The following TMEM132D variants were observed in gnomAD, a reference collection of about 807,000 sequenced individuals.
The protein encoded by TMEM132D is transmembrane protein 132D, also known as mature OL transmembrane protein.
Under a neutral mutation model 62.3 loss-of-function variants are expected in TMEM132D, and 21 were observed. The ratio of observed to expected loss-of-function variants is 0.34; its 90% confidence interval spans 0.24 to 0.49. TMEM132D has a LOEUF of 0.49. TMEM132D is among the 20% of genes least tolerant of loss of function. The pLI, the probability that TMEM132D is intolerant of heterozygous loss-of-function variation, is 0.99. For synonymous variants in TMEM132D, 621 were observed against 575.6 expected (o/e 1.08, Z -1.13); for missense variants, 1,346 against 1,402.8 (o/e 0.96, Z 0.65).
rs183701610 is a variant in TMEM132D, at chr12:129,642,947, G to A, written c.968+56863C>T. Among the ~76,000 whole-genome samples, 372 of 113,970 alleles carry A rather than the reference G, an allele frequency of 3.3e-3. 1 individual carries two copies. Among genetic ancestry groups the A allele is most frequent in the South Asian group, 5.8e-3 (21 of 3,596 alleles). 74.8% of individuals were successfully genotyped at this position (113,970 alleles called of 152,430 possible). ...TTTTTTTTTTTTTTTTTTTTGAGAC[G>A]GAGTTTCACTCTTGTCACCAAGGCT... On this transcript the variant is annotated intron_variant, in intron 2 of 8. Transcript: ENST00000422113.
intron 1 of TMEM132D, among the ~76,000 whole-genome samples, chr12:129,868,670 C>T (rs760111260): frequency 1.3e-5 from 2 of 152,186 alleles, no homozygotes; most frequent in Non-Finnish European, 2.9e-5. Flanking sequence ...TGCTTCAAGT[C>T]AAACAGCAGG....
At chr12:129,343,413 C>T (rs1869569033) in intron 3 of TMEM132D, among the ~76,000 whole-genome samples, 1 of 140,898 alleles carries the variant, frequency 7.1e-6, no homozygotes, top group African/African-American at 2.7e-5. Context: ...ACATCACACA[C>T]TGGGGACTGT....
intron 3 of TMEM132D, among the ~76,000 whole-genome samples, chr12:129,515,599 CCT>C (rs1875649719): frequency 2.0e-5 from 3 of 152,154 alleles, no homozygotes; most frequent in Admixed American, 2.0e-4. Flanking sequence ...CCCATTCTCC[CCT>C]GAGCCACGGT....
At chr12:129,241,048 A>G (rs1467428726) in intron 4 of TMEM132D, among the ~76,000 whole-genome samples, 1 of 152,008 alleles carries the variant, frequency 6.6e-6, no homozygotes, top group East Asian at 1.9e-4. Flanking sequence ...GGTGATATAA[A>G]TAGTTTACTA....
chr12:129,300,458 C>T (rs571987391), intron 4 of TMEM132D, among the ~76,000 whole-genome samples: 2 of 152,308 alleles, frequency 1.3e-5, no homozygotes, highest in South Asian at 2.1e-4. Flanking sequence ...GTGCAATGCA[C>T]CTGTTAAGGT....
intron 4 of TMEM132D, among the ~76,000 whole-genome samples, chr12:129,294,980 T>C (rs1881532317): frequency 6.6e-6 from 1 of 152,208 alleles, no homozygotes; most frequent in Non-Finnish European, 1.5e-5. Flanking sequence ...CACATGTTAC[T>C]GAGTGTTTCT....
chr12:129,747,354 T>C (rs568726050), intron 1 of TMEM132D, among the ~76,000 whole-genome samples: 1 of 152,118 alleles, frequency 6.6e-6, no homozygotes, highest in African/African-American at 2.4e-5. Context: ...CATTGCCCAA[T>C]TGGTAGTTTC....
chr12:129,737,596 C>A (rs948905702), intron 1 of TMEM132D, among the ~76,000 whole-genome samples: 1 of 152,110 alleles, frequency 6.6e-6, no homozygotes, highest in Non-Finnish European at 1.5e-5. Flanking sequence ...GTGTCCACTG[C>A]CACTCACCAC....
At chr12:129,115,718 C>T (rs1178529414) in intron 5 of TMEM132D, among the ~76,000 whole-genome samples, 4 of 152,226 alleles carry the variant, frequency 2.6e-5, no homozygotes, top group African/African-American at 4.8e-5. Flanking sequence ...CCTGCTCCTA[C>T]GCCAGTGGAA....
In TMEM132D at chr12:129,760,422, C is replaced by G. The variant is rs140046761; in HGVS notation, c.80-59724G>C. On this transcript the variant is annotated intron_variant, in intron 1 of 8. Coordinates refer to ENST00000422113, the MANE Select transcript of TMEM132D (RefSeq NM_133448.3). ...TCTCGGCTCACTGCAAGCTCCGCCT[C>G]CCGGGTTCACGCCACTCTCCTTCCT... 0.015 allele frequency among the ~76,000 whole-genome samples: 2,203 copies of G among 149,664 alleles called. 99 individuals are homozygous for G. In the East Asian group the frequency reaches 0.16, roughly 11 times the overall value.
intron 1 of TMEM132D, among the ~76,000 whole-genome samples, chr12:129,763,367 C>T (rs1420950704): frequency 6.6e-6 from 1 of 151,834 alleles, no homozygotes; most frequent in African/African-American, 2.4e-5. Flanking sequence ...CATGTGCCAC[C>T]ATGCCCGACC....
intron 3 of TMEM132D, among the ~76,000 whole-genome samples, chr12:129,429,543 G>C (rs1056172969): frequency 9.9e-5 from 15 of 151,424 alleles, no homozygotes; most frequent in Non-Finnish European, 1.5e-4. Flanking sequence ...CCAAGTAGCT[G>C]AGACACAGGT....
chr12:129,573,232 TG>T (rs1877567345), intron 2 of TMEM132D, among the ~76,000 whole-genome samples: 1 of 151,994 alleles, frequency 6.6e-6, no homozygotes, highest in African/African-American at 2.4e-5. Flanking sequence ...TGGGCCGGGC[TG>T]GGGATGAGGA....
At chr12:129,519,044 G>T (rs117604393) in intron 3 of TMEM132D, among the ~76,000 whole-genome samples, 2 of 152,108 alleles carry the variant, frequency 1.3e-5, no homozygotes, top group Non-Finnish European at 2.9e-5. Flanking sequence ...AGCCCAAGGA[G>T]GTTTTGGCTT....
chr12:129,463,236 G>C (rs1425906746), intron 3 of TMEM132D, among the ~76,000 whole-genome samples: 3 of 152,114 alleles, frequency 2.0e-5, no homozygotes, highest in Non-Finnish European at 4.4e-5. Context: ...CAACATCTTG[G>C]AGCCTCATTT....
intron 5 of TMEM132D, among the ~76,000 whole-genome samples, chr12:129,128,775 C>T: frequency 6.6e-6 from 1 of 152,054 alleles, no homozygotes; most frequent in Admixed American, 6.6e-5. Context: ...TGGGAGTCTC[C>T]AGTGTTTATT....
chr12:129,307,802 T>C (rs1446978367), intron 4 of TMEM132D, among the ~76,000 whole-genome samples: 1 of 152,218 alleles, frequency 6.6e-6, no homozygotes, highest in Non-Finnish European at 1.5e-5. Flanking sequence ...TTGCAAGTGG[T>C]CTTGCTGCTT....
At chr12:129,768,600 G>A (rs922020610) in intron 1 of TMEM132D, among the ~76,000 whole-genome samples, 1 of 152,074 alleles carries the variant, frequency 6.6e-6, no homozygotes, top group Non-Finnish European at 1.5e-5. Flanking sequence ...CTGGAACGGG[G>A]CTGAGTTATA....
chr12:129,726,432 G>A (rs1311783238), intron 1 of TMEM132D, among the ~76,000 whole-genome samples: 1 of 152,102 alleles, frequency 6.6e-6, no homozygotes, highest in Non-Finnish European at 1.5e-5. Context: ...AAGGTCCTGA[G>A]GCAGGAACAG....
Sources: allele counts gnomAD v4.1 joint callset (sites outside exome capture counted in the v4.1 genomes callset), GRCh38; gene constraint gnomAD v4.1.1; transcripts MANE v1.5; gene names NCBI Gene and HGNC (gene_info 2026-07-23, HGNC 2026-07-21).